SLC35F4: variants seen among roughly 807,000 people sequenced by gnomAD.
SLC35F4 encodes the protein chromosome 14 open reading frame 36.
In SLC35F4, 24 loss-of-function variants were observed where a neutral mutation model predicts 44.2. That is an observed-to-expected ratio of 0.54 (90% CI 0.39 to 0.76). The LOEUF (loss-of-function observed/expected upper bound fraction) is 0.76. Among genes scored for constraint, SLC35F4 ranks in the 30% least tolerant of loss-of-function variants. The pLI, the probability that SLC35F4 is intolerant of heterozygous loss-of-function variation, is 0.00. For synonymous variants in SLC35F4, 238 were observed against 223.6 expected (o/e 1.06, Z -0.57); for missense variants, 562 against 586.1 (o/e 0.96, Z 0.42).
intron 1 of SLC35F4, among the ~76,000 whole-genome samples, chr14:57,823,432 G>C (rs151081562): frequency 6.6e-6 from 1 of 152,118 alleles, no homozygotes; most frequent in African/African-American, 2.4e-5. Context: ...AATCAAGTTC[G>C]TGAAATCAGG....
At chr14:57,865,695 C>T in intron 1 of SLC35F4, 28 bp downstream of exon 1, 1 of 1,505,328 alleles carries the variant, frequency 6.6e-7, no homozygotes, top group Non-Finnish European at 8.8e-7. Context: ...TTCCCCGCCT[C>T]GCGCAGGGCA....
intron 1 of SLC35F4, among the ~76,000 whole-genome samples, chr14:57,721,692 G>A (rs1466484659): frequency 6.6e-6 from 1 of 152,138 alleles, no homozygotes; most frequent in African/African-American, 2.4e-5. Context: ...TCTGCAACTT[G>A]GAATGGGGAC....
At chr14:57,915,277 A>G (rs78622666) in intron 1 of SLC35F4, among the ~76,000 whole-genome samples, 1 of 152,142 alleles carries the variant, frequency 6.6e-6, no homozygotes, top group Non-Finnish European at 1.5e-5. Context: ...GCACTCTCGA[A>G]GATCTTTCAA....
chr14:57,629,798 A>G, intron 1 of SLC35F4: 2 of 310,122 alleles, frequency 6.4e-6, no homozygotes, highest in Non-Finnish European at 1.3e-5. Flanking sequence ...AGAAATTACA[A>G]CTGCATGACT....
At chr14:57,982,840 A>T (rs1055372915), upstream of SLC35F4, among the ~76,000 whole-genome samples, 3 of 152,162 alleles carry the variant, frequency 2.0e-5, no homozygotes, top group African/African-American at 7.2e-5. Context: ...CACATTGAGT[A>T]CCACCCCAAA....
intron 1 of SLC35F4, among the ~76,000 whole-genome samples, chr14:57,756,226 T>C (rs1184263768): frequency 2.0e-5 from 3 of 152,268 alleles, no homozygotes; most frequent in South Asian, 2.1e-4. Flanking sequence ...TTCCTCCAAA[T>C]ACTGTTCTAG....
At chr14:57,858,194 G>A (rs1022786284) in intron 1 of SLC35F4, among the ~76,000 whole-genome samples, 1 of 151,960 alleles carries the variant, frequency 6.6e-6, no homozygotes, top group African/African-American at 2.4e-5. Flanking sequence ...ATACCCAAAG[G>A]ATTATAAATC....
intron 1 of SLC35F4, among the ~76,000 whole-genome samples, chr14:57,710,953 C>T (rs181881762): frequency 1.3e-5 from 2 of 152,000 alleles, no homozygotes; most frequent in African/African-American, 4.8e-5. Flanking sequence ...GTTAAGACTT[C>T]GGGGGACTGT....
intron 1 of SLC35F4, among the ~76,000 whole-genome samples, chr14:57,744,206 G>C (rs1036933721): frequency 2.0e-5 from 3 of 152,164 alleles, no homozygotes; most frequent in East Asian, 3.9e-4. Context: ...ATTCAACATA[G>C]TGTTGGAAGT....
chr14:57,773,414 T>C (rs1475385748), intron 1 of SLC35F4, among the ~76,000 whole-genome samples: 1 of 152,202 alleles, frequency 6.6e-6, no homozygotes. Context: ...TTACAGTTAA[T>C]ATGGGACAAA....
At chr14:57,731,918 T>C (rs940099878) in intron 1 of SLC35F4, among the ~76,000 whole-genome samples, 4 of 152,208 alleles carry the variant, frequency 2.6e-5, no homozygotes, top group African/African-American at 9.6e-5. Context: ...TTTGATGTCA[T>C]GCCAGCATTA....
chr14:57,862,484 T>G (rs1344441834), intron 1 of SLC35F4, among the ~76,000 whole-genome samples: 1 of 152,170 alleles, frequency 6.6e-6, no homozygotes, highest in Non-Finnish European at 1.5e-5. Context: ...AGGCCCTCCT[T>G]TATCTGCACT....
At chr14:57,608,613 T>C (rs2071301643) in intron 1 of SLC35F4, among the ~76,000 whole-genome samples, 2 of 152,130 alleles carry the variant, frequency 1.3e-5, no homozygotes, top group African/African-American at 2.4e-5. Flanking sequence ...TCAGCCACCA[T>C]GTTTGTGGAA....
chr14:57,744,115 A>G (rs892485339), intron 1 of SLC35F4, among the ~76,000 whole-genome samples: 4 of 152,228 alleles, frequency 2.6e-5, no homozygotes, highest in Non-Finnish European at 5.9e-5. Context: ...CCCACAGCCA[A>G]TATCATACTG....
At chr14:57,936,127 G>C (rs1889790145) in intron 1 of SLC35F4, among the ~76,000 whole-genome samples, 1 of 152,148 alleles carries the variant, frequency 6.6e-6, no homozygotes, top group Non-Finnish European at 1.5e-5. Context: ...TCCAAGGAAT[G>C]CTCAGCATAT....
At chr14:57,899,752 G>A (rs1444135892) in intron 1 of SLC35F4, among the ~76,000 whole-genome samples, 15 of 152,248 alleles carry the variant, frequency 9.9e-5, no homozygotes, top group African/African-American at 1.4e-4. Flanking sequence ...TTTGTCCTGG[G>A]TGGTGGTGTG....
At chr14:57,822,415 G>C (rs1883267086) in intron 1 of SLC35F4, among the ~76,000 whole-genome samples, 1 of 152,132 alleles carries the variant, frequency 6.6e-6, no homozygotes, top group African/African-American at 2.4e-5. Context: ...TACACTGCAG[G>C]GGTAAGGAAT....
At chr14:57,758,901 G>A (rs7154452) in intron 1 of SLC35F4, among the ~76,000 whole-genome samples, 1 of 151,958 alleles carries the variant, frequency 6.6e-6, no homozygotes, top group African/African-American at 2.4e-5. Context: ...TTCCCCCTCC[G>A]CCCAACCCTT....
At chr14:57,728,055 TG>T (rs1457697251) in intron 1 of SLC35F4, among the ~76,000 whole-genome samples, 1 of 152,230 alleles carries the variant, frequency 6.6e-6, no homozygotes, top group Non-Finnish European at 1.5e-5. Context: ...TTAATTTATC[TG>T]GGTGCTCCAG....
Sources: allele counts gnomAD v4.1 joint callset (sites outside exome capture counted in the v4.1 genomes callset), GRCh38; gene constraint gnomAD v4.1.1; transcripts MANE v1.5; gene names NCBI Gene and HGNC (gene_info 2026-07-23, HGNC 2026-07-21).